The following CASP9 variants were observed in gnomAD, a reference collection of about 807,000 sequenced individuals.
CASP9 encodes the protein caspase 9, also known as caspase-9.
A neutral mutation model predicts 43.5 loss-of-function variants in CASP9; 29 were observed. That is an observed-to-expected ratio of 0.67 (90% CI 0.50 to 0.91). CASP9 has a LOEUF of 0.91. Ranked by LOEUF, CASP9 falls within the 40% of genes least tolerant of loss-of-function variation. The pLI is 0.00. For synonymous variants in CASP9, 206 were observed against 211.9 expected (o/e 0.97, Z 0.24); for missense variants, 575 against 537.4 (o/e 1.07, Z -0.69).
intron 6 of CASP9, among the ~76,000 whole-genome samples, chr1:15,496,712 A>G (rs1268853758): frequency 6.6e-6 from 1 of 152,216 alleles, no homozygotes; most frequent in African/African-American, 2.4e-5. Flanking sequence ...AAGACTTGTA[A>G]AATGAAAACT....
At chr1:15,494,591 C>T (rs1381224219) in intron 7 of CASP9, among the ~76,000 whole-genome samples, 2 of 147,276 alleles carry the variant, frequency 1.4e-5, no homozygotes, top group Non-Finnish European at 3.0e-5. Context: ...AGGCTGGGCG[C>T]GGTGGCTCAC....
At chr1:15,517,998 A>G (rs1002388232) in intron 2 of CASP9, 112 bp downstream of exon 2, 13 of 1,301,162 alleles carry the variant, frequency 1.0e-5, no homozygotes, top group Non-Finnish European at 1.4e-5. Context: ...GAACATTCAG[A>G]AAGACAATGC....
At chr1:15,516,972 A>G (rs909868168) in intron 2 of CASP9, among the ~76,000 whole-genome samples, 1 of 152,226 alleles carries the variant, frequency 6.6e-6, no homozygotes, top group African/African-American at 2.4e-5. Flanking sequence ...CCTGCCTTAC[A>G]AGAGAGATGG....
chr1:15,521,485 A>G (rs1710198056), intron 1 of CASP9, among the ~76,000 whole-genome samples: 1 of 152,118 alleles, frequency 6.6e-6, no homozygotes. Context: ...TGAAGTTCAT[A>G]GATAGCGGTA....
intron 1 of CASP9, among the ~76,000 whole-genome samples, chr1:15,521,074 A>G (rs545410389): frequency 2.7e-4 from 41 of 151,008 alleles, no homozygotes; most frequent in African/African-American, 8.7e-4. Context: ...GGAGAATGGC[A>G]TGAACCCGGG....
intron 1 of CASP9, among the ~76,000 whole-genome samples, chr1:15,522,540 C>G (rs1003231536): frequency 6.6e-6 from 1 of 151,918 alleles, no homozygotes; most frequent in African/African-American, 2.4e-5. Context: ...AGACTCCTAT[C>G]TGTACAAAAA....
At chr1:15,515,857 G>A (rs549824980) in intron 2 of CASP9, among the ~76,000 whole-genome samples, 67 of 151,812 alleles carry the variant, frequency 4.4e-4, no homozygotes, top group Non-Finnish European at 8.6e-4. Context: ...GGAGTTTGAG[G>A]GCAGCCTGGG....
intron 1 of CASP9, among the ~76,000 whole-genome samples, chr1:15,519,320 C>G (rs547679674): frequency 6.6e-6 from 1 of 152,212 alleles, no homozygotes; most frequent in South Asian, 2.1e-4. Context: ...GCTGGGACTA[C>G]AGGCACCCAC....
chr1:15,495,491 TACAC>T, intron 6 of CASP9, 39 bp from the exon 7 acceptor site: 1 of 1,511,676 alleles, frequency 6.6e-7, no homozygotes, highest in Non-Finnish European at 8.9e-7. Flanking sequence ...GTCATTGAAA[TACAC>T]AGACAAGGAT....
intron 8 of CASP9, 87 bp downstream of exon 8, chr1:15,493,805 C>T (rs1708986029): frequency 1.3e-6 from 2 of 1,528,670 alleles, no homozygotes; most frequent in Middle Eastern, 1.7e-4. Flanking sequence ...TTGGGCCTGC[C>T]CTGCTCACCC....
chr1:15,495,125 C>G (rs972269732), intron 7 of CASP9, 148 bp downstream of exon 7: 2 of 748,558 alleles, frequency 2.7e-6, no homozygotes, highest in Non-Finnish European at 4.3e-6. Flanking sequence ...AGCCGAGGCT[C>G]AGAGAGAAGT....
intron 5 of CASP9, 96 bp downstream of exon 5, chr1:15,505,894 G>A: frequency 3.1e-6 from 3 of 970,468 alleles, no homozygotes; most frequent in South Asian, 2.6e-5. Flanking sequence ...CAAAGCCAAG[G>A]GTGTTTTGGA....
chr1:15,492,730 A>C lies in CASP9; in HGVS notation c.*213T>G. On this transcript the variant is annotated 3_prime_UTR_variant, in exon 9 of 9. Coordinates refer to ENST00000333868, the MANE Select transcript of CASP9 (RefSeq NM_001229.5). ...CTGCTCAAGAGGCCACGTGCAATCC[A>C]CGGCATTCATCTGTCCCTCTTCCTC... The C allele has an allele frequency of 1.6e-6, 1 of 636,662 alleles. No individual in the cohort carries two copies. Among genetic ancestry groups the C allele is most frequent in the Non-Finnish European group, 2.7e-6 (1 of 375,524 alleles). The allele number at this position is 636,662 out of a possible 1,614,324, so 39.4% of individuals were successfully genotyped here. A position where few individuals can be genotyped will look rare whatever the true frequency, so the allele number is the denominator to read the frequency against.
At chr1:15,493,113 A>G in intron 8 of CASP9, 78 bp from the exon 9 acceptor site, 1 of 1,594,712 alleles carries the variant, frequency 6.3e-7, no homozygotes, top group Non-Finnish European at 8.5e-7. Flanking sequence ...GGCTGGGGGG[A>G]ATGTCCACTC....
upstream of CASP9, chr1:15,524,583 C>G: frequency 9.9e-7 from 1 of 1,011,076 alleles, no homozygotes; most frequent in Non-Finnish European, 1.2e-6. Context: ...CCGCACTGAC[C>G]TCACGTCACC....
At chr1:15,498,038 G>A (rs1709178902) in intron 6 of CASP9, among the ~76,000 whole-genome samples, 1 of 152,204 alleles carries the variant, frequency 6.6e-6, no homozygotes, top group Admixed American at 6.5e-5. Context: ...ACCATTCAGT[G>A]GGGAGAGGGC....
chr1:15,506,800 G>C, intron 4 of CASP9, 99 bp downstream of exon 4: 2 of 1,015,060 alleles, frequency 2.0e-6, no homozygotes, highest in East Asian at 2.4e-5. Flanking sequence ...CAGATGTAAG[G>C]GCTCGCCTGG....
At chr1:15,495,015 C>A (rs574250213) in intron 7 of CASP9, among the ~76,000 whole-genome samples, 3 of 151,994 alleles carry the variant, frequency 2.0e-5, no homozygotes, top group Non-Finnish European at 4.4e-5. Flanking sequence ...GCTAAAGATG[C>A]GAAGGCAGAG....
intron 2 of CASP9, among the ~76,000 whole-genome samples, chr1:15,516,601 A>C (rs914953380): frequency 6.6e-6 from 1 of 152,170 alleles, no homozygotes; most frequent in Non-Finnish European, 1.5e-5. Flanking sequence ...TCAGCCTCTC[A>C]AGTAGCTTGT....
Sources: allele counts gnomAD v4.1 joint callset (sites outside exome capture counted in the v4.1 genomes callset), GRCh38; gene constraint gnomAD v4.1.1; transcripts MANE v1.5; gene names NCBI Gene and HGNC (gene_info 2026-07-23, HGNC 2026-07-21).